E2F3: variants seen among roughly 807,000 people sequenced by gnomAD.
The protein encoded by E2F3 is transcription factor E2F3.
In E2F3, 11 loss-of-function variants were observed where a neutral mutation model predicts 44.4. The observed-to-expected ratio is 0.25, with a 90% CI of 0.16 to 0.41. The LOEUF (loss-of-function observed/expected upper bound fraction) is 0.41, where lower values mean the gene tolerates loss of function less well. Among genes scored for constraint, E2F3 ranks in the 10% least tolerant of loss-of-function variants. E2F3 has a pLI of 1.00. For synonymous variants in E2F3, 249 were observed against 253.0 expected (o/e 0.98, Z 0.15); for missense variants, 487 against 583.6 (o/e 0.83, Z 1.70).
chr6:20,452,499 T>G (rs552754713), intron 1 of E2F3: 1 of 152,198 alleles, frequency 6.6e-6, no homozygotes, highest in Non-Finnish European at 1.5e-5. Context: ...ATTTTTGCAC[T>G]CCTGTCAACT....
chr6:20,417,909 T>C (rs753681372), intron 1 of E2F3, among the ~76,000 whole-genome samples: 2 of 152,208 alleles, frequency 1.3e-5, no homozygotes, highest in Non-Finnish European at 2.9e-5. Context: ...TCTTTCTGTC[T>C]ACCTACAGCC....
In E2F3 at chr6:20,493,615, G is replaced by A. The variant is rs1762612170; in HGVS notation, c.*3185G>A. 4.9e-6 allele frequency: 1 copy of A among 205,586 alleles called. No individual in the cohort carries two copies. The highest frequency in any genetic ancestry group is 1.0e-5 in the Non-Finnish European group (1 of 100,464). 12.7% of individuals were successfully genotyped at this position (205,586 alleles called of 1,614,324 possible). A position where few individuals can be genotyped will look rare whatever the true frequency, so the allele number is the denominator to read the frequency against. Reference sequence around the variant, plus strand: ...ATTTTGTAAATAGATTTGTTACAGGGTGACCTGTTCTCTAGCTGTGATCTT... The same window carrying A: ...ATTTTGTAAATAGATTTGTTACAGGATGACCTGTTCTCTAGCTGTGATCTT... On this transcript the variant is annotated 3_prime_UTR_variant, in exon 7 of 7. Transcript: ENST00000346618.
chr6:20,404,189 T>C (rs73382439), intron 1 of E2F3, among the ~76,000 whole-genome samples: 113,354 of 133,172 alleles, frequency 0.85, 47,713 homozygotes, highest in African/African-American at 0.93. Flanking sequence ...GGGAGGGGGG[T>C]GGGTCAGAGG....
At chr6:20,446,432 A>G (rs1760947091) in intron 1 of E2F3, among the ~76,000 whole-genome samples, 1 of 152,368 alleles carries the variant, frequency 6.6e-6, no homozygotes. Flanking sequence ...GAGTGCCTAC[A>G]CGGCACATAA....
At chr6:20,423,136 A>C (rs530789122) in intron 1 of E2F3, among the ~76,000 whole-genome samples, 3 of 152,156 alleles carry the variant, frequency 2.0e-5, no homozygotes, top group Non-Finnish European at 2.9e-5. Flanking sequence ...TTATAATGTC[A>C]TGTGTCACTT....
intron 1 of E2F3, among the ~76,000 whole-genome samples, chr6:20,475,127 C>CATGG (rs776903079): frequency 5.3e-5 from 8 of 152,350 alleles, no homozygotes; most frequent in Non-Finnish European, 1.2e-4. Flanking sequence ...GGTTCAACAT[C>CATGG]ATGGACCTTC....
At chr6:20,437,865 T>C (rs1012227528) in intron 1 of E2F3, 2 of 152,262 alleles carry the variant, frequency 1.3e-5, no homozygotes, top group Non-Finnish European at 2.9e-5. Flanking sequence ...GCAGAACTGA[T>C]GGAGAGCAGC....
chr6:20,480,185 A>C (rs758160087), intron 2 of E2F3: 2 of 571,426 alleles, frequency 3.5e-6, no homozygotes, highest in African/African-American at 4.1e-5. Flanking sequence ...AACTGTATGT[A>C]GTTTCATTTT....
Position 20,402,218 on chromosome 6 carries a change from G to A in E2F3, c.-15G>A. 1 of 1,579,664 alleles carries A rather than the reference G, an allele frequency of 6.3e-7. No individual in the cohort carries two copies. Among genetic ancestry groups the A allele is most frequent in the Non-Finnish European group, 8.5e-7 (1 of 1,170,116 alleles). On this transcript the variant is annotated 5_prime_UTR_variant, in exon 1 of 7. Transcript: ENST00000346618. The surrounding 1 kb of genome is among the most constrained non-coding windows in gnomAD (Gnocchi z 5.6). ...CATTAATATACCATAACACTAAAAA[G>A]AGCAGGAGCGAGAGATGAGAAAGGG...
intron 1 of E2F3, among the ~76,000 whole-genome samples, chr6:20,413,284 G>A (rs373613245): frequency 1.3e-5 from 2 of 148,660 alleles, no homozygotes; most frequent in African/African-American, 5.3e-5. Flanking sequence ...CCTATCCTCT[G>A]TCAGAAGCCC....
chr6:20,425,139 C>G (rs746902080), intron 1 of E2F3, among the ~76,000 whole-genome samples: 3 of 152,108 alleles, frequency 2.0e-5, no homozygotes, highest in Non-Finnish European at 4.4e-5. Flanking sequence ...TTGGCTTTGC[C>G]AAGGGTATTT....
chr6:20,403,746 T>A, intron 1 of E2F3: 1 of 1,466,844 alleles, frequency 6.8e-7, no homozygotes, highest in Non-Finnish European at 9.0e-7. Flanking sequence ...GCCGCCGGTC[T>A]GTTCGGCCCT....
At chr6:20,457,952 A>T (rs1011179648) in intron 1 of E2F3, among the ~76,000 whole-genome samples, 1 of 152,264 alleles carries the variant, frequency 6.6e-6, no homozygotes, top group Non-Finnish European at 1.5e-5. Flanking sequence ...TTGGATCGCT[A>T]TTCCAGCCCA....
At chr6:20,443,861 G>T (rs941765876) in intron 1 of E2F3, among the ~76,000 whole-genome samples, 5 of 152,104 alleles carry the variant, frequency 3.3e-5, no homozygotes, top group Non-Finnish European at 5.9e-5. Context: ...GTTAACTATT[G>T]CATTTTATTT....
chr6:20,483,654 C>G (rs937035011), intron 4 of E2F3, among the ~76,000 whole-genome samples: 2 of 152,206 alleles, frequency 1.3e-5, no homozygotes, highest in Admixed American at 6.5e-5. Flanking sequence ...TGCTCTTCAT[C>G]ATCTCACTAC....
intron 1 of E2F3, among the ~76,000 whole-genome samples, chr6:20,461,400 G>A (rs1047431149): frequency 7.2e-5 from 11 of 152,122 alleles, no homozygotes; most frequent in East Asian, 1.9e-4. Flanking sequence ...AGGCTGAGGC[G>A]GGAGAATGGC....
chr6:20,454,615 A>G (rs1287405687), intron 1 of E2F3, among the ~76,000 whole-genome samples: 4 of 152,196 alleles, frequency 2.6e-5, no homozygotes, highest in Non-Finnish European at 5.9e-5. Context: ...CATATAATAA[A>G]AAACCAGCAA....
chr6:20,459,334 A>T (rs1194284177), intron 1 of E2F3, among the ~76,000 whole-genome samples: 1 of 152,220 alleles, frequency 6.6e-6, no homozygotes, highest in African/African-American at 2.4e-5. Flanking sequence ...AGCAGGAGGA[A>T]TGAAGTCCCA....
Position 20,402,622 on chromosome 6 carries a change from T to C in E2F3, c.390T>C (p.Pro130=). 1 of 1,336,190 alleles carries C rather than the reference T, an allele frequency of 7.5e-7. No homozygotes were observed. Among genetic ancestry groups the C allele is most frequent in the South Asian group, 2.0e-5 (1 of 49,400 alleles). 82.8% of individuals were successfully genotyped at this position (1,336,190 alleles called of 1,614,324 possible). A position where few individuals can be genotyped will look rare whatever the true frequency, so the allele number is the denominator to read the frequency against. ...GCGGCAGCGGCGGCGGCGGCGGCCC[T>C]CCGGTAATACCCTCCCTCCCCACCG... ...GRGGSGGGGG[P]PAKRRLELGE... is the part of the protein sequence containing the mutation. The change falls in exon 1 of 7, where the codon CCT becomes CCC. Residue 130 remains proline, a synonymous_variant. Transcript: ENST00000346618. The surrounding 1 kb of genome is among the most constrained non-coding windows in gnomAD (Gnocchi z 5.6).
Sources: gnomAD v4.1 joint callset for allele counts (sites outside exome capture counted in the v4.1 genomes callset) on GRCh38, gnomAD v4.1.1 for gene constraint, Gnocchi (gnomAD v3.1) non-coding constraint, MANE v1.5 for transcripts, NCBI Gene and HGNC (gene_info 2026-07-23, HGNC 2026-07-21) for gene names.